Variants in NHSL3 observed in about 807,000 individuals in gnomAD.
NHSL3 encodes NHS-like protein 3.
the NHSL3 span, among the ~76,000 whole-genome samples, chr1:32,759,513 A>T: frequency 3.3e-5 from 5 of 152,304 alleles, no homozygotes; most frequent in East Asian, 9.7e-4. Flanking sequence ...TCCTCCGTGC[A>T]CTACTGCCTG....
At chr1:32,772,353 C>A in the NHSL3 span, 1 of 1,609,970 alleles carries the variant, frequency 6.2e-7, no homozygotes, top group African/African-American at 1.3e-5. Flanking sequence ...TCCCTCACAC[C>A]CAGGACAGGA....
chr1:32,745,200 G>T, the NHSL3 span, among the ~76,000 whole-genome samples: 2 of 151,818 alleles, frequency 1.3e-5, no homozygotes, highest in East Asian at 3.9e-4. Context: ...CTATGCCTGT[G>T]TTTATAAGTT....
At chr1:32,753,313 C>T in the NHSL3 span, among the ~76,000 whole-genome samples, 2 of 151,608 alleles carry the variant, frequency 1.3e-5, no homozygotes, top group East Asian at 2.0e-4. Context: ...GGTGAAACCC[C>T]GTCTCTACTA....
the NHSL3 span, chr1:32,742,091 G>A: frequency 4.8e-6 from 6 of 1,253,960 alleles, no homozygotes; most frequent in Non-Finnish European, 4.0e-6. Context: ...GGCAAGCGGC[G>A]CAAGAAGAAG....
chr1:32,763,101 C>T, the NHSL3 span, among the ~76,000 whole-genome samples: 1 of 152,132 alleles, frequency 6.6e-6, no homozygotes, highest in East Asian at 1.9e-4. Context: ...TCACCTCTGC[C>T]TCCTGAGTAG....
the NHSL3 span, among the ~76,000 whole-genome samples, chr1:32,744,261 C>T: frequency 2.6e-5 from 4 of 152,096 alleles, no homozygotes; most frequent in Non-Finnish European, 1.5e-5. Context: ...TCTGACTCTC[C>T]TACTTTAAGA....
the NHSL3 span, chr1:32,771,153 T>C: frequency 6.2e-7 from 1 of 1,612,252 alleles, no homozygotes; most frequent in African/African-American, 1.3e-5. Context: ...GTGACAGGTT[T>C]GTCATACCTC....
chr1:32,773,230 T>A, the NHSL3 span: 2 of 375,032 alleles, frequency 5.3e-6, no homozygotes, highest in Non-Finnish European at 9.9e-6. Context: ...TCACCTGAGT[T>A]TCATTTTTTT....
At chr1:32,757,992 G>A in the NHSL3 span, among the ~76,000 whole-genome samples, 4 of 152,290 alleles carry the variant, frequency 2.6e-5, no homozygotes, top group South Asian at 2.1e-4. Flanking sequence ...GCCTCCAAGC[G>A]CTTAGAGAGG....
chr1:32,769,008 T>G, the NHSL3 span: 3 of 422,330 alleles, frequency 7.1e-6, no homozygotes, highest in Non-Finnish European at 1.3e-5. Flanking sequence ...CCCAGCACTT[T>G]GGGAGGTCGA....
the NHSL3 span, chr1:32,767,872 C>A: frequency 3.4e-5 from 55 of 1,613,826 alleles, no homozygotes; most frequent in Non-Finnish European, 4.4e-5. Context: ...ACCAGGACAA[C>A]GTCTTCTTTC....
chr1:32,767,835 A>G, the NHSL3 span: 1 of 1,613,778 alleles, frequency 6.2e-7, no homozygotes, highest in Non-Finnish European at 8.5e-7. Flanking sequence ...GGGCCTGGCC[A>G]GGGGCCAGGG....
the NHSL3 span, chr1:32,772,006 G>A: frequency 7.2e-5 from 115 of 1,601,946 alleles, 5 homozygotes; most frequent in South Asian, 1.0e-3. Flanking sequence ...CAGCCTGGCC[G>A]CCAGTGAAGG....
At chr1:32,758,444 T>C in the NHSL3 span, among the ~76,000 whole-genome samples, 1 of 152,012 alleles carries the variant, frequency 6.6e-6, no homozygotes, top group East Asian at 1.9e-4. Context: ...CTTCTTGGAG[T>C]CTGGGGTCTT....
chr1:32,741,997 C>T, the NHSL3 span: 1 of 1,204,894 alleles, frequency 8.3e-7, no homozygotes, highest in Non-Finnish European at 1.0e-6. This position sits in a 1 kb window ranked among gnomAD's most constrained non-coding sequence, Gnocchi z 4.3. Flanking sequence ...GGCCGAGGAG[C>T]CGGGGAACCC....
chr1:32,764,752 C>A, the NHSL3 span, among the ~76,000 whole-genome samples: 1 of 152,152 alleles, frequency 6.6e-6, no homozygotes. Flanking sequence ...GGATTACAGG[C>A]GTGAGCCACA....
At chr1:32,772,247 C>A in the NHSL3 span, 284 of 1,604,052 alleles carry the variant, frequency 1.8e-4, no homozygotes, top group Non-Finnish European at 2.2e-4. Flanking sequence ...AAGGCTCCCC[C>A]ACCTGTGGCC....
At chr1:32,747,755 G>A in the NHSL3 span, among the ~76,000 whole-genome samples, 3 of 151,822 alleles carry the variant, frequency 2.0e-5, no homozygotes, top group Admixed American at 2.0e-4. Flanking sequence ...TTGAGGTCAG[G>A]AGTTCAAAAC....
chr1:32,744,772 T>C, the NHSL3 span, among the ~76,000 whole-genome samples: 2 of 152,338 alleles, frequency 1.3e-5, no homozygotes, highest in South Asian at 2.1e-4. Context: ...TGGCTGGACA[T>C]TGCCTTGATG....
Sources: allele counts gnomAD v4.1 joint callset (sites outside exome capture counted in the v4.1 genomes callset), GRCh38; gene constraint gnomAD v4.1.1; non-coding constraint Gnocchi (gnomAD v3.1); transcripts MANE v1.5; gene names NCBI Gene and HGNC (gene_info 2026-07-23, HGNC 2026-07-21).